Variants in GRID2 observed in about 807,000 individuals in gnomAD.
GRID2 encodes the protein glutamate receptor ionotropic, delta-2.
In GRID2, 33 loss-of-function variants were observed where a neutral mutation model predicts 114.8. The ratio of observed to expected loss-of-function variants is 0.29; its 90% CI spans 0.22 to 0.38. The LOEUF (loss-of-function observed/expected upper bound fraction) is 0.38, where lower values mean the gene tolerates loss of function less well. Ranked by LOEUF, GRID2 falls within the 10% of genes least tolerant of loss-of-function variation. GRID2 has a pLI of 1.00. For synonymous variants in GRID2, 505 were observed against 449.9 expected (o/e 1.12, Z -1.55); for missense variants, 1,184 against 1,257.7 (o/e 0.94, Z 0.89).
chr4:92,549,532 A>G (rs1278969530), intron 1 of GRID2, among the ~76,000 whole-genome samples: 1 of 152,222 alleles, frequency 6.6e-6, no homozygotes, highest in African/African-American at 2.4e-5. Context: ...AGTGATGCAG[A>G]GTCAAACTGA....
chr4:93,090,284 T>G (rs1046672986), intron 3 of GRID2, among the ~76,000 whole-genome samples: 2 of 152,182 alleles, frequency 1.3e-5, no homozygotes, highest in African/African-American at 4.8e-5. Flanking sequence ...GAACAAATAC[T>G]ATGAACCACT....
chr4:93,607,934 GTTCCAATTTT>G (rs1382449895), intron 13 of GRID2, among the ~76,000 whole-genome samples: 1 of 151,748 alleles, frequency 6.6e-6, no homozygotes, highest in East Asian at 1.9e-4. Flanking sequence ...TGTCCCCCAT[GTTCCAATTTT>G]TTCCAAATTT....
intron 2 of GRID2, among the ~76,000 whole-genome samples, chr4:93,081,874 T>C (rs2149318465): frequency 6.6e-6 from 1 of 152,336 alleles, no homozygotes; most frequent in East Asian, 1.9e-4. Flanking sequence ...CATGAAATTC[T>C]TGCAAAAGGT....
At chr4:93,258,865 T>C (rs768126592) in intron 8 of GRID2, 1 of 452,974 alleles carries the variant, frequency 2.2e-6, no homozygotes, top group South Asian at 1.6e-5. Context: ...ACTGCAAGAT[T>C]CATTTATTAT....
chr4:93,717,271 AAGG>A (rs1423068297), intron 14 of GRID2, among the ~76,000 whole-genome samples: 1 of 152,158 alleles, frequency 6.6e-6, no homozygotes, highest in Non-Finnish European at 1.5e-5. Flanking sequence ...ATGGGAGTGG[AAGG>A]AGAAGTATTT....
chr4:92,594,534 C>A (rs1728857169), intron 2 of GRID2, among the ~76,000 whole-genome samples: 1 of 151,874 alleles, frequency 6.6e-6, no homozygotes, highest in Admixed American at 6.6e-5. Flanking sequence ...TTTCACGTTG[C>A]TGAAATTGCC....
chr4:92,955,447 A>T (rs1752332022), intron 2 of GRID2, among the ~76,000 whole-genome samples: 1 of 151,956 alleles, frequency 6.6e-6, no homozygotes, highest in Admixed American at 6.6e-5. Flanking sequence ...TCCTTTGCCC[A>T]CTTTTTGATG....
chr4:92,629,384 T>A (rs760768689), intron 2 of GRID2, among the ~76,000 whole-genome samples: 3 of 152,108 alleles, frequency 2.0e-5, no homozygotes, highest in Admixed American at 1.3e-4. Context: ...ATTTCAAACC[T>A]CCTCAGTACA....
chr4:92,415,740 G>GCATA (rs1731573751), intron 1 of GRID2, among the ~76,000 whole-genome samples: 2 of 82,230 alleles, frequency 2.4e-5, no homozygotes, highest in Non-Finnish European at 4.8e-5. Flanking sequence ...GTGTATGTGT[G>GCATA]TATATATATA....
chr4:93,454,784 A>G (rs1723035524), intron 10 of GRID2, among the ~76,000 whole-genome samples: 2 of 152,120 alleles, frequency 1.3e-5, no homozygotes, highest in Non-Finnish European at 2.9e-5. Flanking sequence ...TCAAAAAATA[A>G]TTTACTAGTG....
chr4:92,594,438 T>A (rs1444772601), intron 2 of GRID2, among the ~76,000 whole-genome samples: 1 of 151,986 alleles, frequency 6.6e-6, no homozygotes, highest in Non-Finnish European at 1.5e-5. Flanking sequence ...AACTTTCATC[T>A]CTATGCTTCT....
intron 4 of GRID2, among the ~76,000 whole-genome samples, chr4:93,136,502 C>T (rs1205873066): frequency 6.6e-6 from 1 of 152,090 alleles, no homozygotes; most frequent in African/African-American, 2.4e-5. Flanking sequence ...CTGCCACATT[C>T]ATTTCATTTA....
At chr4:93,252,374 T>C (rs965752597) in intron 8 of GRID2, among the ~76,000 whole-genome samples, 4 of 140,502 alleles carry the variant, frequency 2.8e-5, no homozygotes, top group African/African-American at 1.1e-4. Context: ...GATCAGATCG[T>C]TGTAGGTATA....
At chr4:92,661,154 A>AT (rs531885203) in intron 2 of GRID2, among the ~76,000 whole-genome samples, 2 of 150,816 alleles carry the variant, frequency 1.3e-5, no homozygotes, top group Non-Finnish European at 3.0e-5. Flanking sequence ...AGAATGGAGA[A>AT]TTTTTTTAAA....
intron 4 of GRID2, among the ~76,000 whole-genome samples, chr4:93,164,129 TGTG>T (rs2149412373): frequency 6.6e-6 from 1 of 151,642 alleles, no homozygotes; most frequent in Admixed American, 6.6e-5. Flanking sequence ...ATGAGAGATG[TGTG>T]ACAGGCGAAA....
chr4:93,665,702 A>G (rs112450053), intron 14 of GRID2, among the ~76,000 whole-genome samples: 18 of 152,256 alleles, frequency 1.2e-4, no homozygotes, highest in African/African-American at 4.3e-4. Context: ...AATTTTCTGT[A>G]TCTTCTTAGA....
chr4:92,574,623 T>G (rs1319542631), intron 1 of GRID2, among the ~76,000 whole-genome samples: 2 of 152,044 alleles, frequency 1.3e-5, no homozygotes, highest in Non-Finnish European at 2.9e-5. Flanking sequence ...GATTGGAAAT[T>G]CTGTTCTTTA....
At chr4:92,540,330 A>T (rs1390614426) in intron 1 of GRID2, among the ~76,000 whole-genome samples, 1 of 152,200 alleles carries the variant, frequency 6.6e-6, no homozygotes, top group Admixed American at 6.5e-5. Context: ...TCTGCACAGC[A>T]AAAGAAACTA....
chr4:93,003,883 T>C (rs1337088870), intron 2 of GRID2, among the ~76,000 whole-genome samples: 2 of 151,898 alleles, frequency 1.3e-5, no homozygotes, highest in South Asian at 2.1e-4. Flanking sequence ...GACTTTACAA[T>C]TGTGAAATTT....
Sources: allele counts gnomAD v4.1 joint callset (sites outside exome capture counted in the v4.1 genomes callset), GRCh38; gene constraint gnomAD v4.1.1; transcripts MANE v1.5; gene names NCBI Gene and HGNC (gene_info 2026-07-23, HGNC 2026-07-21).